The following ZBTB32 variants were observed in gnomAD, a reference collection of about 807,000 sequenced individuals.
ZBTB32 encodes the protein zinc finger and BTB domain-containing protein 32.
In ZBTB32, 28 loss-of-function variants were observed where a neutral mutation model predicts 45.3. That is an observed-to-expected ratio of 0.62 (90% CI 0.46 to 0.85). The LOEUF (loss-of-function observed/expected upper bound fraction) is 0.85, where lower values mean the gene tolerates loss of function less well. Ranked by LOEUF, ZBTB32 falls within the 40% of genes least tolerant of loss-of-function variation. ZBTB32 has a pLI of 0.00. For missense variants in ZBTB32, 587 were observed against 624.4 expected, an observed-to-expected ratio of 0.94 and a Z score of 0.64; for synonymous variants, 283 against 255.7, an observed-to-expected ratio of 1.11 and a Z score of -1.02.
At chr19:35,713,788 A>G (rs107068) in intron 2 of ZBTB32, among the ~76,000 whole-genome samples, 87,068 of 152,168 alleles carry the variant, frequency 0.57, 26,586 homozygotes, top group African/African-American at 0.8. Flanking sequence ...CTCCTTACCC[A>G]AATCTTGAGA....
chr19:35,709,279 A>C (rs1007585768), intron 1 of ZBTB32, among the ~76,000 whole-genome samples: 9 of 152,204 alleles, frequency 5.9e-5, no homozygotes, highest in African/African-American at 2.2e-4. Context: ...ATCTTGTTCA[A>C]CTTGGCTTGG....
chr19:35,716,153 G>T lies in ZBTB32; in HGVS notation c.1045G>T (p.Gly349Cys). 6.2e-7 allele frequency: 1 copy of T among 1,613,840 alleles called. No homozygotes were observed. The highest frequency in any genetic ancestry group is 8.5e-7 in the Non-Finnish European group (1 of 1,179,934). ...GHTGALATCA[G>C]HEDKAGCPPR... ...CACAGGCGCACTTGCAACCTGTGCGGGTCATGAGGACAAGGCAGGCTGCCC... is the reference window on the plus strand; with the variant it reads ...CACAGGCGCACTTGCAACCTGTGCGTGTCATGAGGACAAGGCAGGCTGCCC... The change falls in exon 6 of 7, where the codon GGT becomes TGT. Residue 349 changes from glycine to cysteine, a missense_variant. Coordinates refer to ENST00000392197, the MANE Select transcript of ZBTB32 (RefSeq NM_014383.3).
At chr19:35,714,206 C>A (rs1010247197) in intron 2 of ZBTB32, 9 of 156,696 alleles carry the variant, frequency 5.7e-5, no homozygotes, top group Admixed American at 3.2e-4. Context: ...GCCTGGCTTG[C>A]GCAGAGGTGT....
At chr19:35,706,501 C>A (rs981121531) in intron 1 of ZBTB32, among the ~76,000 whole-genome samples, 4 of 151,916 alleles carry the variant, frequency 2.6e-5, no homozygotes, top group African/African-American at 9.7e-5. Context: ...GCAGGTGGAT[C>A]ACCTGAGGTC....
chr19:35,704,855 G>A (rs773267413), intron 1 of ZBTB32, among the ~76,000 whole-genome samples: 1 of 152,244 alleles, frequency 6.6e-6, no homozygotes, highest in Non-Finnish European at 1.5e-5. Context: ...GTTGGTCCAC[G>A]GCCCCCGAGG....
intron 1 of ZBTB32, among the ~76,000 whole-genome samples, chr19:35,710,617 G>C (rs936686128): frequency 6.6e-6 from 1 of 152,148 alleles, no homozygotes; most frequent in African/African-American, 2.4e-5. Flanking sequence ...AGCCGGGTGT[G>C]ATGGTGCATG....
chr19:35,709,810 C>T (rs574861916), intron 1 of ZBTB32, among the ~76,000 whole-genome samples: 2 of 150,620 alleles, frequency 1.3e-5, no homozygotes, highest in South Asian at 2.1e-4. Flanking sequence ...ACCCAGGAGG[C>T]GGAGGTTACA....
intron 1 of ZBTB32, among the ~76,000 whole-genome samples, chr19:35,706,626 A>G (rs964756944): frequency 1.3e-5 from 2 of 152,028 alleles, no homozygotes; most frequent in Admixed American, 1.3e-4. Context: ...AGCCTGAGGT[A>G]GGAGAATCAC....
chr19:35,713,279 C>T (rs1290700372), intron 2 of ZBTB32: 1 of 152,192 alleles, frequency 6.6e-6, no homozygotes, highest in African/African-American at 2.4e-5. Context: ...CTCCTGCAGG[C>T]AGAAGGCAGA....
Position 35,712,952 on chromosome 19 carries a change from T to C in ZBTB32, c.-186T>C, listed in dbSNP as rs921341618. The C allele has an allele frequency of 2.6e-5, 4 of 152,244 alleles. No individual in the cohort carries two copies. Among genetic ancestry groups the C allele is most frequent in the Non-Finnish European group, 5.9e-5 (4 of 68,050 alleles). 9.4% of individuals were successfully genotyped at this position (152,244 alleles called of 1,614,324 possible). On this transcript the variant is annotated 5_prime_UTR_variant, in exon 2 of 7. Coordinates refer to ENST00000392197, the MANE Select transcript of ZBTB32 (RefSeq NM_014383.3). ...TGCCGTCATCTCTAAGAAACAACCA[T>C]ACCACTGAATGCTACTGTGTACTTA... is the stretch of plus-strand genomic sequence containing the variant.
chr19:35,706,860 A>G (rs937052171), intron 1 of ZBTB32, among the ~76,000 whole-genome samples: 1 of 152,212 alleles, frequency 6.6e-6, no homozygotes, highest in African/African-American at 2.4e-5. Context: ...GAGTGCCTTC[A>G]GTACACCCAG....
Position 35,715,559 on chromosome 19 carries a change from G to A in ZBTB32, c.881+52G>A, listed in dbSNP as rs529794294. 7.3e-5 allele frequency: 110 copies of A among 1,509,016 alleles called. 2 individuals are homozygous for A. In the South Asian group the frequency reaches 1.4e-3, roughly 19 times the overall value. The allele number at this position is 1,509,016 out of a possible 1,614,324, so 93.5% of individuals were successfully genotyped here. A position where few individuals can be genotyped will look rare whatever the true frequency, so the allele number is the denominator to read the frequency against. ...CTCCAGGCTGGGAGGGCATGGCCCA[G>A]GAGGGGCAGCCCTGCTGGGTGGAAG... is the stretch of plus-strand genomic sequence containing the variant. On this transcript the variant is annotated intron_variant, in intron 3 of 6. Transcript: ENST00000392197.
Position 35,715,214 on chromosome 19 carries a change from C to A in ZBTB32, c.588C>A (p.Leu196=), listed in dbSNP as rs751389900. 4 of 1,607,180 alleles carry A rather than the reference C, an allele frequency of 2.5e-6. No individual in the cohort carries two copies. Among genetic ancestry groups the A allele is most frequent in the Non-Finnish European group, 2.5e-6 (3 of 1,178,166 alleles). The change falls in exon 3 of 7, where the codon CTC becomes CTA. Residue 196 remains leucine (L), a synonymous_variant. Coordinates refer to ENST00000392197, the MANE Select transcript of ZBTB32 (RefSeq NM_014383.3). The part of the protein sequence containing the change: ...QEQTRSKEKR[L]QAPVGQRGAD... ...AGACCAGGTCAAAGGAGAAACGCCT[C>A]CAAGCCCCTGTTGGCCAAAGGGGAG...
intron 1 of ZBTB32, among the ~76,000 whole-genome samples, chr19:35,711,440 G>A (rs1968690755): frequency 6.6e-6 from 1 of 152,142 alleles, no homozygotes; most frequent in Non-Finnish European, 1.5e-5. Context: ...AATAGTTAAC[G>A]TTCAGAGTAG....
chr19:35,708,801 TTTTTTTC>T (rs915973307), intron 1 of ZBTB32, among the ~76,000 whole-genome samples: 289 of 151,628 alleles, frequency 1.9e-3, no homozygotes, highest in Middle Eastern at 6.8e-3. Context: ...CGGAACATCT[TTTTTTTC>T]TTTTTTCTTT....
chr19:35,712,052 A>AG (rs1555725506), intron 1 of ZBTB32, among the ~76,000 whole-genome samples: 4,955 of 141,398 alleles, frequency 0.035, 384 homozygotes, highest in African/African-American at 0.096. Flanking sequence ...AAAAAAAAAA[A>AG]GAGAAGCCTA....
In ZBTB32 at chr19:35,715,358, C is replaced by T; in HGVS notation, c.732C>T (p.Thr244=). The T allele has an allele frequency of 6.2e-7, 1 of 1,611,838 alleles. No homozygotes were observed. Among genetic ancestry groups the T allele is most frequent in the Non-Finnish European group, 8.5e-7 (1 of 1,179,320 alleles). ...PPAGSLQTSV[T]PRPSWAEAPW... ...CAGGCTCCCTGCAAACCAGCGTCAC[C>T]CCTAGGCCCTCGTGGGCTGAGGCCC... Residue 244 remains threonine (T), a synonymous_variant, in exon 3 of 7, where the codon ACC becomes ACT. Coordinates refer to ENST00000392197, the MANE Select transcript of ZBTB32 (RefSeq NM_014383.3).
chr19:35,706,755 C>A (rs1326019123), intron 1 of ZBTB32, among the ~76,000 whole-genome samples: 1 of 152,044 alleles, frequency 6.6e-6, no homozygotes, highest in Non-Finnish European at 1.5e-5. Context: ...AAGGAAATCA[C>A]CCAGGTTGTC....
intron 1 of ZBTB32, among the ~76,000 whole-genome samples, chr19:35,705,186 G>A (rs149424484): frequency 2.0e-5 from 3 of 152,254 alleles, no homozygotes; most frequent in East Asian, 1.9e-4. Context: ...GCACACGTCC[G>A]TAATCCCAGC....
Sources: allele counts gnomAD v4.1 joint callset (sites outside exome capture counted in the v4.1 genomes callset), GRCh38; gene constraint gnomAD v4.1.1; transcripts MANE v1.5; gene names NCBI Gene and HGNC (gene_info 2026-07-23, HGNC 2026-07-21).